Variants in RECQL5 observed in about 807,000 individuals in gnomAD.
RECQL5 encodes ATP-dependent DNA helicase Q5.
RECQL5 carries 88 observed loss-of-function variants against 103.4 expected under a neutral mutation model. The ratio of observed to expected loss-of-function variants is 0.85; its 90% CI spans 0.72 to 1.02. RECQL5 has a LOEUF of 1.02. Among genes scored for constraint, RECQL5 ranks in the 50% least tolerant of loss-of-function variants. RECQL5 has a pLI of 0.00. For missense variants in RECQL5, 1,232 were observed against 1,284.3 expected (o/e 0.96, Z 0.62); for synonymous variants, 552 against 507.9 (o/e 1.09, Z -1.17).
At chr17:75,647,475 C>T (rs1046271635) in intron 8 of RECQL5, 50 of 1,550,158 alleles carry the variant, frequency 3.2e-5, no homozygotes, top group Middle Eastern at 2.1e-4. Context: ...TATTCATCAC[C>T]GCTGTCCTGC....
chr17:75,642,770 C>T (rs2059448781), intron 8 of RECQL5, among the ~76,000 whole-genome samples: 1 of 152,206 alleles, frequency 6.6e-6, no homozygotes, highest in Admixed American at 6.5e-5. Flanking sequence ...GAAGATACCA[C>T]TATTACCCCC....
At position 75,629,029 on chromosome 17, in the gene RECQL5, C is replaced by T. The variant is rs748226791; in HGVS notation, c.2394G>A (p.Pro798=). Reference sequence around the variant, plus strand: ...CCCCTGTGTACTTCTCTGGGGCCATCGGGGGTCCCTGAACCCCCTCACAGG... The same window carrying T: ...CCCCTGTGTACTTCTCTGGGGCCATTGGGGGTCCCTGAACCCCCTCACAGG... The part of the protein sequence containing the change: ...CPSCEGVQGP[P]MAPEKYTGEE... The change falls in exon 16 of 20, where the codon CCG becomes CCA. Residue 798 remains proline (P), a synonymous_variant. Coordinates refer to ENST00000317905, the MANE Select transcript of RECQL5 (RefSeq NM_004259.7). The T allele has an allele frequency of 3.8e-6, 6 of 1,585,596 alleles. No homozygotes were observed. The highest frequency in any genetic ancestry group is 5.1e-6 in the Non-Finnish European group (6 of 1,166,902).
At chr17:75,639,503 AT>A (rs1568268429) in intron 8 of RECQL5, 1 of 152,190 alleles carries the variant, frequency 6.6e-6, no homozygotes, top group Non-Finnish European at 1.5e-5. Context: ...AGAGAAACAG[AT>A]GACGCCAGCA....
At position 75,627,693 on chromosome 17, in the gene RECQL5, C is replaced by T. The variant is rs1385483206; in HGVS notation, c.2806-1G>A. The T allele has an allele frequency of 6.2e-7, 1 of 1,602,800 alleles. No homozygotes were observed. The highest frequency in any genetic ancestry group is 8.5e-7 in the Non-Finnish European group (1 of 1,174,390). ...GGCGGGCAAAGCCTTTAAACAACTC[C>T]TGGAAGGGAGAGGGAGAAGAGAAGC... On this transcript the variant is annotated splice_acceptor_variant, in intron 18 of 19. Transcript: ENST00000317905. LOFTEE classifies it high-confidence loss of function.
chr17:75,627,349 C>T lies in RECQL5; in HGVS notation c.*73G>A, dbSNP rs1476990283. ...TGAGAAAAGACGATGGCCCTGGCAT[C>T]AGCAGGTGAGGCCCAGGATGACCCA... is the stretch of plus-strand genomic sequence containing the variant. On this transcript the variant is annotated 3_prime_UTR_variant, in exon 20 of 20. Transcript: ENST00000317905. The T allele has an allele frequency of 1.7e-5, 19 of 1,128,704 alleles. No individual in the cohort carries two copies. The highest frequency in any genetic ancestry group is 2.0e-5 in the Non-Finnish European group (15 of 747,798). 69.9% of individuals were successfully genotyped at this position (1,128,704 alleles called of 1,614,324 possible). A position where few individuals can be genotyped will look rare whatever the true frequency, so the allele number is the denominator to read the frequency against.
At chr17:75,651,723 T>C (rs2059557906) in intron 7 of RECQL5, among the ~76,000 whole-genome samples, 1 of 152,230 alleles carries the variant, frequency 6.6e-6, no homozygotes, top group East Asian at 1.9e-4. Flanking sequence ...TTTTCTGGGA[T>C]GAGCTTTTGA....
chr17:75,661,765 A>G, intron 4 of RECQL5, 57 bp from the exon 5 acceptor site: 1 of 1,272,428 alleles, frequency 7.9e-7, no homozygotes, highest in Non-Finnish European at 1.1e-6. Context: ...CAATAGGCCC[A>G]GTGTAATGCA....
chr17:75,637,536 C>T (rs916711334), intron 8 of RECQL5: 9 of 152,358 alleles, frequency 5.9e-5, no homozygotes, highest in Non-Finnish European at 1.0e-4. Context: ...CCTGCTCCAC[C>T]TGGCCAGAGA....
Position 75,630,618 on chromosome 17 carries a change from C to CG in RECQL5, c.1718_1718+1insC (p.Glu573AspfsTer3), listed in dbSNP as rs1294446267. 1.2e-6 allele frequency: 2 copies of CG among 1,613,558 alleles called. No homozygotes were observed. Among genetic ancestry groups the CG allele is most frequent in the East Asian group, 4.5e-5 (2 of 44,882 alleles). ...CTCAGCCCAGTGATCGTGGAACTCACTCATCAGCGGTACGTGTTGACTGGC... is the reference window on the plus strand; with the variant it reads ...CTCAGCCCAGTGATCGTGGAACTCACGTCATCAGCGGTACGTGTTGACTGGC... On this transcript the variant is annotated frameshift_variant and splice_region_variant. Coordinates refer to ENST00000317905, the MANE Select transcript of RECQL5 (RefSeq NM_004259.7). LOFTEE classifies it high-confidence loss of function.
chr17:75,658,500 G>C, intron 6 of RECQL5, 40 bp from the exon 7 acceptor site: 2 of 1,595,774 alleles, frequency 1.3e-6, no homozygotes, highest in Non-Finnish European at 1.7e-6. Flanking sequence ...AGATGGTGGA[G>C]AAGCTGAGTG....
In RECQL5 at chr17:75,630,812, A is replaced by G. The variant is rs2059194826; in HGVS notation, c.1611T>C (p.Ala537=). Reference sequence around the variant, plus strand: ...TCAGCCTGGGGATCCTCCTGCTAGAAGCCTCTTTCAGGGGACAGTTCTCAT... The same window carrying G: ...TCAGCCTGGGGATCCTCCTGCTAGAGGCCTCTTTCAGGGGACAGTTCTCAT... ...PPDENCPLKE[A]SSRRIPRLTV... The change falls in exon 12 of 20, where the codon GCT becomes GCC. Residue 537 remains alanine (A), a synonymous_variant. Transcript: ENST00000317905. 3.0e-6 allele frequency: 4 copies of G among 1,355,298 alleles called. No homozygotes were observed. The highest frequency in any genetic ancestry group is 3.9e-6 in the Non-Finnish European group (4 of 1,019,248). 84.0% of individuals were successfully genotyped at this position (1,355,298 alleles called of 1,614,324 possible).
At position 75,647,730 on chromosome 17, in the gene RECQL5, T is replaced by C. The variant is rs1465837891; in HGVS notation, c.1229+3456A>G. 13 of 682,920 alleles carry C rather than the reference T, an allele frequency of 1.9e-5. No homozygotes were observed. In the East Asian group the frequency reaches 3.6e-4, roughly 19 times the overall value. 42.3% of individuals were successfully genotyped at this position (682,920 alleles called of 1,614,324 possible). The stretch of plus-strand genomic sequence containing the variant: ...TAAAATACTGTATCTGGCTTAGGGT[T>C]GGTCAGACTAGTAAGATGGGGAGGC... On this transcript the variant is annotated intron_variant, in intron 8 of 19. Coordinates refer to ENST00000317905, the MANE Select transcript of RECQL5 (RefSeq NM_004259.7).
intron 8 of RECQL5, chr17:75,633,328 C>A: frequency 1.2e-6 from 1 of 830,554 alleles, no homozygotes. Flanking sequence ...GGGTCGGTTT[C>A]TCTCCACACA....
chr17:75,655,291 G>A (rs954597411), intron 7 of RECQL5, among the ~76,000 whole-genome samples: 3 of 150,020 alleles, frequency 2.0e-5, no homozygotes, highest in Non-Finnish European at 3.0e-5. Context: ...GGCTGGTCTC[G>A]AACTACTGGC....
At chr17:75,666,009 CCTCA>C (rs1271805544) in intron 2 of RECQL5, among the ~76,000 whole-genome samples, 1 of 152,200 alleles carries the variant, frequency 6.6e-6, no homozygotes, top group African/African-American at 2.4e-5. Flanking sequence ...TTCCTACCAC[CCTCA>C]CTGTTGCTGT....
intron 8 of RECQL5, chr17:75,649,766 C>T (rs79322240): frequency 4.1e-6 from 4 of 985,492 alleles, no homozygotes; most frequent in Admixed American, 6.1e-5. Flanking sequence ...AGAATCATCA[C>T]ATGTAGCAAA....
At chr17:75,657,776 A>G (rs1236261039) in intron 7 of RECQL5, among the ~76,000 whole-genome samples, 1 of 150,120 alleles carries the variant, frequency 6.7e-6, no homozygotes, top group East Asian at 2.0e-4. Flanking sequence ...AAAGGTGGGC[A>G]CAGTGGCTCA....
chr17:75,628,721 G>C lies in RECQL5; in HGVS notation c.2531C>G (p.Pro844Arg). 5.7e-6 allele frequency: 9 copies of C among 1,590,914 alleles called. No individual in the cohort carries two copies. Among genetic ancestry groups the C allele is most frequent in the Non-Finnish European group, 7.7e-6 (9 of 1,174,504 alleles). Residue 844 changes from proline (P) to arginine (R), a missense_variant, in exon 17 of 20, where the codon CCC becomes CGC. Pro to Arg is a moderately radical substitution (Grantham distance 103). Transcript: ENST00000317905. ...CTTCCATGTGTCCTTTGCAGGGGTG[G>C]GCTGGACTTCAGGGGTGCCCTGGTC... ...PRDQGTPEVQPTPAKDTWKGK... is the reference protein window; with the variant it reads ...PRDQGTPEVQRTPAKDTWKGK...
Position 75,628,226 on chromosome 17 carries a change from C to G in RECQL5, c.2797G>C (p.Ala933Pro). ...LTPFYKEGKF[A>P]SKELFKGFAR... ...CCACTCACTCCCCCTACCTTGGAAG[C>G]AAACTTGCCCTCCTTGTAGAAAGGG... The change falls in exon 18 of 20, where the codon GCT becomes CCT. Residue 933 changes from alanine to proline, a missense_variant. Physicochemically the swap from Ala to Pro is conservative, Grantham distance 27 (BLOSUM62 -1). Coordinates refer to ENST00000317905, the MANE Select transcript of RECQL5 (RefSeq NM_004259.7). The G allele has an allele frequency of 6.2e-7, 1 of 1,614,052 alleles. No homozygotes were observed. The highest frequency in any genetic ancestry group is 8.5e-7 in the Non-Finnish European group (1 of 1,179,940).
Sources: gnomAD v4.1 joint callset for allele counts (sites outside exome capture counted in the v4.1 genomes callset) on GRCh38, gnomAD v4.1.1 for gene constraint, MANE v1.5 for transcripts, NCBI Gene and HGNC (gene_info 2026-07-23, HGNC 2026-07-21) for gene names.